Variants in SI observed in about 807,000 individuals in gnomAD.
The protein encoded by SI is sucrase-isomaltase, intestinal.
Under a neutral mutation model 253.3 loss-of-function variants are expected in SI, and 235 were observed. The ratio of observed to expected loss-of-function variants is 0.93; its 90% CI spans 0.83 to 1.03. The LOEUF (loss-of-function observed/expected upper bound fraction) is 1.03, where lower values mean the gene tolerates loss of function less well. SI is among the 50% of genes least tolerant of loss of function. The probability of loss-of-function intolerance (pLI) is 0.00; values close to 1 mark genes in which losing one functional copy is unlikely to be tolerated. For synonymous variants in SI, 819 were observed against 712.0 expected, an observed-to-expected ratio of 1.15 and a Z score of -2.39; for missense variants, 2,442 against 2,211.1, an observed-to-expected ratio of 1.10 and a Z score of -2.09.
the SI span, among the ~76,000 whole-genome samples, chr3:165,085,444 A>G: frequency 6.6e-6 from 1 of 152,316 alleles, no homozygotes; most frequent in Non-Finnish European, 1.5e-5. Flanking sequence ...TTCTAGAAAC[A>G]TAAGTTTTTG....
At chr3:165,010,227 T>C (rs1190876816) in intron 34 of SI, among the ~76,000 whole-genome samples, 38 of 152,098 alleles carry the variant, frequency 2.5e-4, no homozygotes, top group Non-Finnish European at 1.2e-4. Flanking sequence ...TGGCACAACC[T>C]CGGCTCACTG....
intron 33 of SI, among the ~76,000 whole-genome samples, chr3:165,013,301 A>G (rs935544663): frequency 2.0e-5 from 3 of 152,312 alleles, no homozygotes; most frequent in Admixed American, 6.5e-5. Flanking sequence ...TTTTGAAAAT[A>G]ATACATATAA....
intron 26 of SI, among the ~76,000 whole-genome samples, chr3:165,022,879 T>A (rs1711701113): frequency 6.6e-6 from 1 of 151,600 alleles, no homozygotes; most frequent in Admixed American, 6.6e-5. Context: ...AAAATATCGT[T>A]TACTCTTATT....
At position 164,994,115 on chromosome 3, in the gene SI, T is replaced by C. The variant is rs1013436839; in HGVS notation, c.4841+142A>G. 40 of 696,140 alleles carry C rather than the reference T, an allele frequency of 5.7e-5. 1 individual carries two copies. The Admixed American group carries it at 7.1e-4, about 12-fold the overall frequency. The allele number at this position is 696,140 out of a possible 1,614,324, so 43.1% of individuals were successfully genotyped here. A position where few individuals can be genotyped will look rare whatever the true frequency, so the allele number is the denominator to read the frequency against. ...TTAATGGACATATTTGTGTAAATGC[T>C]TTATTAATAAAAAATGTGTGCTAAT... is the stretch of plus-strand genomic sequence containing the variant. On this transcript the variant is annotated intron_variant, in intron 41 of 47. Transcript: ENST00000264382.
chr3:165,037,184 C>T (rs574452912), intron 21 of SI, among the ~76,000 whole-genome samples: 37 of 151,556 alleles, frequency 2.4e-4, no homozygotes, highest in Non-Finnish European at 4.7e-4. Flanking sequence ...TAATGCGTAT[C>T]GCTAACATAC....
chr3:164,982,413 A>G lies in SI; in HGVS notation c.5248-3T>C. 1 of 1,602,524 alleles carries G rather than the reference A, an allele frequency of 6.2e-7. No individual in the cohort carries two copies. The highest frequency in any genetic ancestry group is 8.5e-7 in the Non-Finnish European group (1 of 1,170,398). On this transcript the variant is annotated splice_region_variant and splice_polypyrimidine_tract_variant and intron_variant, in intron 46 of 47. Coordinates refer to ENST00000264382, the MANE Select transcript of SI (RefSeq NM_001041.4). Reference sequence around the variant, plus strand: ...AATATAGTGCTTGTTAAGGTGGTCTATAAATAAAGAAAAAGGAATAACATA... The same window carrying G: ...AATATAGTGCTTGTTAAGGTGGTCTGTAAATAAAGAAAAAGGAATAACATA...
At chr3:165,085,750 T>C in the SI span, among the ~76,000 whole-genome samples, 3 of 152,206 alleles carry the variant, frequency 2.0e-5, no homozygotes, top group Non-Finnish European at 4.4e-5. Context: ...TGGAAAAGTG[T>C]TCAATTAAAA....
rs1079879 is a variant in SI, at chr3:164,992,252, G to A, written c.4927-19C>T. On this transcript the variant is annotated intron_variant, in intron 42 of 47. Transcript: ENST00000264382. ...GAACATACTGGAATGTAAATAAATA[G>A]CCATTAGTTGTATATAAACCAAAGA... 48,703 of 1,611,810 alleles carry A rather than the reference G, an allele frequency of 0.03. 813 individuals carry two copies. Among genetic ancestry groups the A allele is most frequent in the Middle Eastern group, 0.053 (318 of 5,976 alleles).
At chr3:165,056,155 G>A (rs1272429488) in intron 12 of SI, among the ~76,000 whole-genome samples, 2 of 152,046 alleles carry the variant, frequency 1.3e-5, no homozygotes, top group African/African-American at 2.4e-5. Context: ...ATTTCAAATC[G>A]GCTGTCTGAT....
chr3:164,989,227 C>G (rs1717589047), intron 44 of SI, among the ~76,000 whole-genome samples: 1 of 151,130 alleles, frequency 6.6e-6, no homozygotes, highest in South Asian at 2.1e-4. Context: ...CACCTGTAAT[C>G]CCAGATACTT....
chr3:165,015,864 A>G lies in SI; in HGVS notation c.3888+88T>C, dbSNP rs566138782. 57 of 1,168,698 alleles carry G rather than the reference A, an allele frequency of 4.9e-5. No homozygotes were observed. In the East Asian group the frequency reaches 1.2e-3, roughly 26 times the overall value. The allele number at this position is 1,168,698 out of a possible 1,614,324, so 72.4% of individuals were successfully genotyped here. A position where few individuals can be genotyped will look rare whatever the true frequency, so the allele number is the denominator to read the frequency against. ...TGTTACTCAAAGTTATATACTTTCT[A>G]TTTTGAAACATCTTCCCCCCCACCT... On this transcript the variant is annotated intron_variant, in intron 32 of 47. Coordinates refer to ENST00000264382, the MANE Select transcript of SI (RefSeq NM_001041.4).
chr3:165,088,870 T>G, the SI span, among the ~76,000 whole-genome samples: 1 of 151,932 alleles, frequency 6.6e-6, no homozygotes, highest in Middle Eastern at 3.2e-3. Context: ...AGAACTAAAC[T>G]TTAACTATGA....
At chr3:165,080,947 T>G (rs1336849630), upstream of SI, among the ~76,000 whole-genome samples, 4 of 151,896 alleles carry the variant, frequency 2.6e-5, no homozygotes, top group Non-Finnish European at 2.9e-5. Context: ...AAAAACTTTG[T>G]GTGATTTTGA....
In SI at chr3:165,006,917, T is replaced by C; in HGVS notation, c.4305A>G (p.Thr1435=). ...GAATCTGCTCAGCTTCCATGCAAAT[T>C]GTTCTGAAATGTAATCCATCAGTTC... The part of the protein sequence containing the change: ...TKRTDGLHFR[T]ICMEAEQILS... Residue 1435 remains threonine, a synonymous_variant, in exon 37 of 48, where the codon ACA becomes ACG. Coordinates refer to ENST00000264382, the MANE Select transcript of SI (RefSeq NM_001041.4). The C allele has an allele frequency of 1.2e-6, 2 of 1,611,906 alleles. No individual in the cohort carries two copies. The highest frequency in any genetic ancestry group is 1.1e-5 in the South Asian group (1 of 91,006).
intron 46 of SI, 64 bp downstream of exon 46, chr3:164,982,938 A>G (rs1717260646): frequency 4.0e-6 from 6 of 1,489,960 alleles, no homozygotes; most frequent in South Asian, 2.3e-5. Flanking sequence ...GGCATGAGCC[A>G]CCCCACCCAG....
chr3:165,043,038 T>G, intron 17 of SI, 21 bp downstream of exon 17: 1 of 1,372,258 alleles, frequency 7.3e-7, no homozygotes, highest in Non-Finnish European at 1.0e-6. Flanking sequence ...TTTCGCAACA[T>G]GGAGAACAAG....
At position 165,001,583 on chromosome 3, in the gene SI, T is replaced by C. The variant is rs532143191; in HGVS notation, c.4407-2910A>G. Among the ~76,000 whole-genome samples the C allele has an allele frequency of 7.3e-5, 11 of 151,654 alleles. No individual in the cohort carries two copies. In the East Asian group the frequency reaches 2.1e-3, roughly 29 times the overall value. On this transcript the variant is annotated intron_variant, in intron 37 of 47. Coordinates refer to ENST00000264382, the MANE Select transcript of SI (RefSeq NM_001041.4). ...AAACACTATATCATGGAAAGAGTTT[T>C]ATAGATTCATATCTCAAATTTTATA...
intron 21 of SI, among the ~76,000 whole-genome samples, chr3:165,037,237 T>C (rs1712581241): frequency 6.6e-6 from 1 of 151,938 alleles, no homozygotes; most frequent in Admixed American, 6.6e-5. Flanking sequence ...CAGATATTCT[T>C]AATGTTATGA....
Position 165,006,918 on chromosome 3 carries a change from GT to G in SI, c.4303del (p.Thr1435GlnfsTer30). On this transcript the variant is annotated frameshift_variant, in exon 37 of 48. Coordinates refer to ENST00000264382, the MANE Select transcript of SI (RefSeq NM_001041.4). LOFTEE classifies it high-confidence loss of function. Reference sequence around the variant, plus strand: ...AATCTGCTCAGCTTCCATGCAAATTGTTCTGAAATGTAATCCATCAGTTCTT... The same window carrying G: ...AATCTGCTCAGCTTCCATGCAAATTGTCTGAAATGTAATCCATCAGTTCTT... ...TKRTDGLHFR[T>X]ICMEAEQILS... is the part of the protein sequence containing the mutation. The G allele has an allele frequency of 6.2e-7, 1 of 1,611,528 alleles. No individual in the cohort carries two copies. Among genetic ancestry groups the G allele is most frequent in the Non-Finnish European group, 8.5e-7 (1 of 1,178,046 alleles).
Sources: gnomAD v4.1 joint callset for allele counts (sites outside exome capture counted in the v4.1 genomes callset) on GRCh38, gnomAD v4.1.1 for gene constraint, MANE v1.5 for transcripts, NCBI Gene and HGNC (gene_info 2026-07-23, HGNC 2026-07-21) for gene names.